TXNDC8: variants seen among roughly 807,000 people sequenced by gnomAD.
TXNDC8 encodes thioredoxin domain containing 8, also known as thioredoxin domain-containing protein 8.
A neutral mutation model predicts 12.9 loss-of-function variants in TXNDC8; 15 were observed. The ratio of observed to expected loss-of-function variants is 1.16; its 90% CI spans 0.78 to 1.79. TXNDC8 has a LOEUF of 1.79. Among genes scored for constraint, TXNDC8 ranks in the 40% most tolerant of loss-of-function variants. The pLI, the probability that TXNDC8 is intolerant of heterozygous loss-of-function variation, is 0.00. For missense variants in TXNDC8, 128 were observed against 113.2 expected, an observed-to-expected ratio of 1.13 and a Z score of -0.59; for synonymous variants, 40 against 35.4, an observed-to-expected ratio of 1.13 and a Z score of -0.46.
chr9:110,314,960 G>A (rs967455369), intron 3 of TXNDC8, among the ~76,000 whole-genome samples: 2 of 152,326 alleles, frequency 1.3e-5, no homozygotes, highest in Admixed American at 1.3e-4. Context: ...AGAATGGGGT[G>A]TGGCTGTCCA....
At chr9:110,307,214 A>G (rs918669869) in intron 3 of TXNDC8, among the ~76,000 whole-genome samples, 60 of 151,620 alleles carry the variant, frequency 4.0e-4, no homozygotes, top group African/African-American at 1.4e-3. Context: ...TCCCCTCCCA[A>G]AGTGCTGGGT....
At chr9:110,320,120 G>C (rs1839035033) in intron 3 of TXNDC8, among the ~76,000 whole-genome samples, 1 of 151,658 alleles carries the variant, frequency 6.6e-6, no homozygotes, top group Non-Finnish European at 1.5e-5. Context: ...TTGATGGTTG[G>C]CTTATATTTA....
chr9:110,326,341 C>T (rs1234937993), intron 2 of TXNDC8, 101 bp from the exon 4 acceptor site: 3 of 1,146,890 alleles, frequency 2.6e-6, no homozygotes, highest in Non-Finnish European at 3.9e-6. Flanking sequence ...TCTGAAATTC[C>T]AAGGACACCT....
intron 3 of TXNDC8, among the ~76,000 whole-genome samples, chr9:110,310,458 T>G (rs73526764): frequency 0.011 from 1,711 of 152,178 alleles, 42 homozygotes; most frequent in African/African-American, 0.038. Flanking sequence ...AAGTATAAGA[T>G]AGGAAAAAAT....
downstream of TXNDC8, among the ~76,000 whole-genome samples, chr9:110,302,305 T>A (rs969900093): frequency 6.6e-6 from 1 of 152,118 alleles, no homozygotes; most frequent in African/African-American, 2.4e-5. Flanking sequence ...CTGGCTAATT[T>A]GTCTATTTTT....
intron 3 of TXNDC8, among the ~76,000 whole-genome samples, chr9:110,308,977 A>C (rs1206005336): frequency 6.6e-6 from 1 of 152,196 alleles, no homozygotes. Flanking sequence ...TAGCGTGTGT[A>C]ATGGCGAATG....
chr9:110,330,193 T>C (rs538756724), intron 2 of TXNDC8, among the ~76,000 whole-genome samples: 1 of 152,366 alleles, frequency 6.6e-6, no homozygotes, highest in African/African-American at 2.4e-5. Context: ...TTATTTCTGT[T>C]GATCTAACTC....
In TXNDC8 at chr9:110,306,023, C is replaced by T. The variant is rs113171919; in HGVS notation, c.196-1491G>A. On this transcript the variant is annotated intron_variant, in intron 3 of 4. Coordinates refer to ENST00000423740, the MANE Select transcript of TXNDC8 (RefSeq NM_001286946.2). Reference sequence around the variant, plus strand: ...CTCCCACCTCTGCCTCCCACCACCACTCCTGGTTAATTTTTAAAATTTTAG... The same window carrying T: ...CTCCCACCTCTGCCTCCCACCACCATTCCTGGTTAATTTTTAAAATTTTAG... 5.6e-3 allele frequency among the ~76,000 whole-genome samples: 844 copies of T among 151,988 alleles called. 10 individuals carry two copies. Among genetic ancestry groups the T allele is most frequent in the African/African-American group, 0.019 (797 of 41,408 alleles).
chr9:110,322,685 C>A, intron 3 of TXNDC8: 1 of 985,438 alleles, frequency 1.0e-6, no homozygotes, highest in Non-Finnish European at 1.2e-6. Flanking sequence ...ATATCAGCAG[C>A]AGCAGGAATA....
chr9:110,325,760 C>G (rs1839290659), intron 3 of TXNDC8, among the ~76,000 whole-genome samples: 1 of 152,174 alleles, frequency 6.6e-6, no homozygotes, highest in Admixed American at 6.5e-5. Context: ...ACCTTGTGAT[C>G]TGCCCGCCTT....
intron 3 of TXNDC8, among the ~76,000 whole-genome samples, chr9:110,325,125 C>T (rs557388750): frequency 6.6e-6 from 1 of 151,434 alleles, no homozygotes; most frequent in African/African-American, 2.4e-5. Flanking sequence ...ATCCCCCCAC[C>T]CCCGAAAAAA....
intron 3 of TXNDC8, among the ~76,000 whole-genome samples, chr9:110,319,769 T>C (rs990327927): frequency 2.0e-5 from 3 of 152,138 alleles, no homozygotes; most frequent in African/African-American, 7.2e-5. Context: ...AGAAACAGAG[T>C]GTGTGACCCT....
At chr9:110,313,094 C>A (rs1838747075) in intron 3 of TXNDC8, among the ~76,000 whole-genome samples, 1 of 152,066 alleles carries the variant, frequency 6.6e-6, no homozygotes, top group Non-Finnish European at 1.5e-5. Context: ...TTAGTAGAGA[C>A]AGGGTTTCAA....
intron 1 of TXNDC8, 106 bp downstream of exon 1, chr9:110,337,667 G>T: frequency 9.6e-7 from 1 of 1,041,916 alleles, no homozygotes; most frequent in Non-Finnish European, 1.5e-6. Context: ...TTGCTACAAT[G>T]CAATGATAGA....
chr9:110,302,042 T>C (rs1326882420), downstream of TXNDC8, among the ~76,000 whole-genome samples: 1 of 152,120 alleles, frequency 6.6e-6, no homozygotes, highest in Non-Finnish European at 1.5e-5. Flanking sequence ...CAGGCTGGAG[T>C]GCAGTGGCAT....
intron 2 of TXNDC8, among the ~76,000 whole-genome samples, chr9:110,329,549 G>A (rs1258122014): frequency 2.6e-5 from 4 of 152,188 alleles, no homozygotes; most frequent in Non-Finnish European, 2.9e-5. Context: ...TTCAAGGTTG[G>A]CAAAGACATA....
intron 3 of TXNDC8, among the ~76,000 whole-genome samples, chr9:110,311,527 A>AGG (rs1838665662): frequency 9.6e-6 from 1 of 104,050 alleles, no homozygotes; most frequent in African/African-American, 5.4e-5. Flanking sequence ...AGAGGTATAT[A>AGG]TATATATATA....
chr9:110,311,555 A>ATATATATC (rs1564096129), intron 3 of TXNDC8, among the ~76,000 whole-genome samples: 1 of 130,758 alleles, frequency 7.6e-6, no homozygotes, highest in Non-Finnish European at 1.6e-5. Flanking sequence ...ATATATATAT[A>ATATATATC]TATCTCCATA....
rs77576092 is a variant in TXNDC8, at chr9:110,324,377, A to G, written c.195+1798T>C. ...GTAGTGTTATTTTAAAAAATAATTT[A>G]AATATATTGCACCAGCTATATTACA... On this transcript the variant is annotated intron_variant, in intron 3 of 4. Coordinates refer to ENST00000423740, the MANE Select transcript of TXNDC8 (RefSeq NM_001286946.2). Among the ~76,000 whole-genome samples the G allele has an allele frequency of 1.2e-3, 182 of 152,364 alleles. 4 individuals carry two copies. The East Asian group carries it at 0.031, about 26-fold the overall frequency.
Sources: gnomAD v4.1 joint callset for allele counts (sites outside exome capture counted in the v4.1 genomes callset) on GRCh38, gnomAD v4.1.1 for gene constraint, MANE v1.5 for transcripts, NCBI Gene and HGNC (gene_info 2026-07-23, HGNC 2026-07-21) for gene names.